The following USP28 variants were observed in gnomAD, a reference collection of about 807,000 sequenced individuals.
USP28 encodes ubiquitin carboxyl-terminal hydrolase 28.
In USP28, 113 loss-of-function variants were observed where a neutral mutation model predicts 145.0. That is an observed-to-expected ratio of 0.78 (90% CI 0.67 to 0.91). The LOEUF (loss-of-function observed/expected upper bound fraction) is 0.91, where lower values mean the gene tolerates loss of function less well. Ranked by LOEUF, USP28 falls within the 40% of genes least tolerant of loss-of-function variation. The probability of loss-of-function intolerance (pLI) is 0.00; values close to 1 mark genes in which losing one functional copy is unlikely to be tolerated. For synonymous variants in USP28, 447 were observed against 450.9 expected, an observed-to-expected ratio of 0.99 and a Z score of 0.11; for missense variants, 1,201 against 1,289.6, an observed-to-expected ratio of 0.93 and a Z score of 1.05.
chr11:113,854,297 T>C (rs766134968), exon 2 of USP28: 1 of 1,614,078 alleles, frequency 6.2e-7, no homozygotes, highest in Non-Finnish European at 8.5e-7. Context: ...CCTGAATGCC[T>C]GTGATTTCTC....
chr11:113,833,474 C>A (rs528702166), exon 7 of USP28: 4 of 1,614,174 alleles, frequency 2.5e-6, no homozygotes, highest in South Asian at 1.1e-5. Context: ...GGGCTGCAGA[C>A]GGGTCTACAA....
At chr11:113,805,952 A>G (rs1306477309) in intron 19 of USP28, among the ~76,000 whole-genome samples, 1 of 152,082 alleles carries the variant, frequency 6.6e-6, no homozygotes, top group African/African-American at 2.4e-5. Flanking sequence ...TTTTGGAGAC[A>G]GGGTCTCACT....
chr11:113,829,384 A>G, intron 9 of USP28, 39 bp from the exon 10 acceptor site: 2 of 1,610,456 alleles, frequency 1.2e-6, no homozygotes, highest in Non-Finnish European at 1.7e-6. Flanking sequence ...AGACATCACT[A>G]TGACTATCTA....
intron 12 of USP28, among the ~76,000 whole-genome samples, chr11:113,823,142 A>G: frequency 6.6e-6 from 1 of 152,246 alleles, no homozygotes; most frequent in East Asian, 1.9e-4. Context: ...CCTCCAAAAG[A>G]GAAAGAACTT....
At chr11:113,868,334 C>T (rs560925001) in intron 1 of USP28, among the ~76,000 whole-genome samples, 125 of 152,278 alleles carry the variant, frequency 8.2e-4, no homozygotes, top group African/African-American at 3.0e-3. Flanking sequence ...CACTTACTTG[C>T]TGTGTCACTT....
rs748077544 is a variant in USP28 at position 113,805,077 on chromosome 11, T to G, written c.2401-31A>C. ...AAGGGCAGAATCAATGGTTAGAAAA[T>G]AGTGTGCTGTGGGCTTCTGCACACA... On this transcript the variant is annotated intron_variant, in intron 19 of 24. Coordinates refer to ENST00000003302, the Ensembl canonical transcript of USP28. The G allele has an allele frequency of 2.0e-5, 32 of 1,607,352 alleles. No individual in the cohort carries two copies. In the Middle Eastern group the frequency reaches 2.7e-3, roughly 134 times the overall value.
intron 2 of USP28, among the ~76,000 whole-genome samples, chr11:113,853,025 G>A (rs1470573311): frequency 6.6e-6 from 1 of 152,160 alleles, no homozygotes; most frequent in South Asian, 2.1e-4. Context: ...AGCAGGGCAG[G>A]CGCAGTGGCT....
exon 25 of USP28, chr11:113,799,394 C>T: frequency 6.2e-7 from 1 of 1,613,618 alleles, no homozygotes; most frequent in Non-Finnish European, 8.5e-7. Context: ...TAGAAACTCC[C>T]CTAGGCACAG....
chr11:113,857,702 T>C (rs1947216388), intron 1 of USP28, among the ~76,000 whole-genome samples: 1 of 152,222 alleles, frequency 6.6e-6, no homozygotes, highest in East Asian at 1.9e-4. Context: ...CAATGAAATA[T>C]AGTATCCAAA....
chr11:113,823,739 A>C lies in USP28; in HGVS notation c.1188-39T>G, dbSNP rs749520139. On this transcript the variant is annotated intron_variant, in intron 11 of 24. Coordinates refer to ENST00000003302, the Ensembl canonical transcript of USP28. ...CCCACAAACACAATTTATATTATAA[A>C]ACATTAATGACATAAAGTCTCAGTA... is the stretch of plus-strand genomic sequence containing the variant. 9 of 1,480,778 alleles carry C rather than the reference A, an allele frequency of 6.1e-6. No homozygotes were observed. The East Asian group carries it at 1.8e-4, about 30-fold the overall frequency. 91.7% of individuals were successfully genotyped at this position (1,480,778 alleles called of 1,614,324 possible).
chr11:113,811,174 T>C (rs528603017), intron 16 of USP28, among the ~76,000 whole-genome samples: 30 of 152,364 alleles, frequency 2.0e-4, no homozygotes, highest in Non-Finnish European at 3.5e-4. Context: ...ACTATGTGAT[T>C]ACTCAACTTT....
intron 15 of USP28, among the ~76,000 whole-genome samples, chr11:113,813,138 T>C (rs2715791): frequency 0.078 from 11,895 of 152,290 alleles, 636 homozygotes; most frequent in Non-Finnish European, 0.11. Context: ...TCAAATTAAA[T>C]TTACACTTAC....
At chr11:113,801,220 G>C (rs914942920) in intron 24 of USP28, among the ~76,000 whole-genome samples, 3 of 152,170 alleles carry the variant, frequency 2.0e-5, no homozygotes, top group Admixed American at 2.0e-4. Flanking sequence ...CATTCCTGGA[G>C]AGCAGTGACT....
chr11:113,851,583 G>A (rs1360140804), intron 3 of USP28, among the ~76,000 whole-genome samples: 3 of 152,136 alleles, frequency 2.0e-5, no homozygotes, highest in Non-Finnish European at 4.4e-5. Flanking sequence ...ATCACCTGAG[G>A]TCAGGAGTTC....
chr11:113,816,354 A>G (rs2135510839), intron 13 of USP28, among the ~76,000 whole-genome samples: 1 of 152,242 alleles, frequency 6.6e-6, no homozygotes, highest in Admixed American at 6.5e-5. Context: ...ATCTCTACTA[A>G]AAATACAAAA....
At chr11:113,812,718 T>C (rs1182087623) in intron 15 of USP28, among the ~76,000 whole-genome samples, 2 of 152,206 alleles carry the variant, frequency 1.3e-5, no homozygotes, top group Non-Finnish European at 1.5e-5. Context: ...CTGAACTACA[T>C]GACCTCTCTG....
At chr11:113,808,372 C>T (rs1940384871) in exon 18 of USP28, 1 of 1,613,980 alleles carries the variant, frequency 6.2e-7, no homozygotes, top group South Asian at 1.1e-5. Flanking sequence ...GCAGTTTGCT[C>T]CTTTACAATC....
At chr11:113,809,091 G>A (rs1940533502) in exon 17 of USP28, 1 of 1,614,054 alleles carries the variant, frequency 6.2e-7, no homozygotes, top group African/African-American at 1.3e-5. Flanking sequence ...CCTGTGATGA[G>A]GAGTTGGTGG....
intron 1 of USP28, among the ~76,000 whole-genome samples, chr11:113,870,928 A>G (rs966177242): frequency 3.3e-5 from 5 of 151,352 alleles, no homozygotes; most frequent in Non-Finnish European, 7.3e-5. Context: ...ACTGGGCAAT[A>G]GACACTTTTG....
Sources: gnomAD v4.1 joint callset for allele counts (sites outside exome capture counted in the v4.1 genomes callset) on GRCh38, gnomAD v4.1.1 for gene constraint, MANE v1.5 for transcripts, NCBI Gene and HGNC (gene_info 2026-07-23, HGNC 2026-07-21) for gene names.